The following UBTD2 variants were observed in gnomAD, a reference collection of about 807,000 sequenced individuals.
The protein encoded by UBTD2 is ubiquitin domain-containing protein 2.
Under a neutral mutation model 19.8 loss-of-function variants are expected in UBTD2, and 9 were observed. That is an observed-to-expected ratio of 0.46 (90% CI 0.27 to 0.79). The LOEUF is 0.79. Ranked by LOEUF, UBTD2 falls within the 30% of genes least tolerant of loss-of-function variation. The probability of loss-of-function intolerance (pLI) is 0.14; values close to 1 mark genes in which losing one functional copy is unlikely to be tolerated. For synonymous variants in UBTD2, 98 were observed against 103.9 expected (o/e 0.94, Z 0.35); for missense variants, 250 against 300.4 (o/e 0.83, Z 1.24).
chr5:172,274,087 T>A (rs1755557017), intron 1 of UBTD2, among the ~76,000 whole-genome samples: 1 of 151,412 alleles, frequency 6.6e-6, no homozygotes, highest in African/African-American at 2.4e-5. Context: ...ACACTAGGGA[T>A]ACAAGGAGAC....
chr5:172,214,878 G>A (rs1364500045), intron 2 of UBTD2, among the ~76,000 whole-genome samples: 1 of 152,106 alleles, frequency 6.6e-6, no homozygotes, highest in African/African-American at 2.4e-5. Flanking sequence ...AAACTTAGAA[G>A]TCACCACTCC....
At chr5:172,219,205 T>C (rs1319783326) in intron 2 of UBTD2, among the ~76,000 whole-genome samples, 1 of 152,216 alleles carries the variant, frequency 6.6e-6, no homozygotes, top group Non-Finnish European at 1.5e-5. Flanking sequence ...CTATCAAACA[T>C]TTCAGAAACA....
intron 1 of UBTD2, among the ~76,000 whole-genome samples, chr5:172,234,920 AAAACT>A (rs1561854791): frequency 6.3e-5 from 9 of 142,510 alleles, no homozygotes; most frequent in Admixed American, 5.0e-4. Context: ...AAAACAAAAC[AAAACT>A]AAAGAACCCC....
intron 1 of UBTD2, among the ~76,000 whole-genome samples, chr5:172,266,538 AT>A (rs772756742): frequency 1.8e-4 from 28 of 152,166 alleles, no homozygotes; most frequent in Admixed American, 3.3e-4. Flanking sequence ...TCCTGTCTGA[AT>A]TTCCTACGGT....
chr5:172,222,603 C>G (rs1372905962), intron 2 of UBTD2, among the ~76,000 whole-genome samples: 1 of 152,156 alleles, frequency 6.6e-6, no homozygotes, highest in Non-Finnish European at 1.5e-5. Context: ...GTAGAGCCAA[C>G]ATGGAGGAAT....
chr5:172,219,761 G>A (rs1034740493), intron 2 of UBTD2, among the ~76,000 whole-genome samples: 16 of 152,154 alleles, frequency 1.1e-4, no homozygotes, highest in Admixed American at 7.2e-4. Flanking sequence ...TAGTTTTGCC[G>A]TGGCACTTCA....
At chr5:172,215,207 C>T (rs897958320) in intron 2 of UBTD2, among the ~76,000 whole-genome samples, 1 of 152,182 alleles carries the variant, frequency 6.6e-6, no homozygotes, top group African/African-American at 2.4e-5. Flanking sequence ...ACCTTCTGGA[C>T]CTCTACAACT....
rs1392333255 is a variant in UBTD2, at chr5:172,213,977, G to A, written c.308-1750C>T. ...AATTTTGTATTTTTAGTAGAGACGGGGTTTCTCCATGTTGGTCAGGCTGTT... is the reference window on the plus strand; with the variant it reads ...AATTTTGTATTTTTAGTAGAGACGGAGTTTCTCCATGTTGGTCAGGCTGTT... On this transcript the variant is annotated intron_variant, in intron 2 of 2. Transcript: ENST00000393792. Among the ~76,000 whole-genome samples, 8 of 152,250 alleles carry A rather than the reference G, an allele frequency of 5.3e-5. No homozygotes were observed. In the East Asian group the frequency reaches 1.4e-3, roughly 26 times the overall value.
intron 1 of UBTD2, among the ~76,000 whole-genome samples, chr5:172,282,005 C>G (rs1162852856): frequency 6.6e-6 from 1 of 152,170 alleles, no homozygotes; most frequent in Non-Finnish European, 1.5e-5. Flanking sequence ...TAATGCCTGT[C>G]TGGTCATAAG....
chr5:172,222,065 T>G (rs1434033829), intron 2 of UBTD2, among the ~76,000 whole-genome samples: 1 of 152,162 alleles, frequency 6.6e-6, no homozygotes, highest in Non-Finnish European at 1.5e-5. Flanking sequence ...ACTATTTGAT[T>G]TCATTTTAAG....
At chr5:172,228,461 T>C (rs1352501111) in intron 2 of UBTD2, among the ~76,000 whole-genome samples, 6 of 152,106 alleles carry the variant, frequency 3.9e-5, no homozygotes, top group South Asian at 2.1e-4. Flanking sequence ...TGGCTCATGC[T>C]TGTAATCCCA....
chr5:172,245,810 T>C (rs143919815), intron 1 of UBTD2, among the ~76,000 whole-genome samples: 3 of 152,052 alleles, frequency 2.0e-5, no homozygotes, highest in Non-Finnish European at 2.9e-5. Context: ...AGCAAAGGCT[T>C]TGAAAAGTGA....
intron 1 of UBTD2, chr5:172,254,736 G>A: frequency 3.4e-6 from 1 of 292,384 alleles, no homozygotes; most frequent in Non-Finnish European, 6.5e-6. Context: ...GCTTGTGGGG[G>A]GGAACACTGA....
rs1771428626 is a variant in UBTD2, at chr5:172,210,824, C to T, written c.*1006G>A. On this transcript the variant is annotated 3_prime_UTR_variant, in exon 3 of 3. Transcript: ENST00000393792. ...GCACAGATAAAATAGGCTTTCCTTA[C>T]ACCCCTCCATGCAAAGTGGAGGAAA... 1 of 152,142 alleles carries T rather than the reference C, an allele frequency of 6.6e-6. No homozygotes were observed. The highest frequency in any genetic ancestry group is 1.5e-5 in the Non-Finnish European group (1 of 68,034). 9.4% of individuals were successfully genotyped at this position (152,142 alleles called of 1,614,324 possible).
At chr5:172,243,690 G>A (rs1343552573) in intron 1 of UBTD2, among the ~76,000 whole-genome samples, 1 of 151,248 alleles carries the variant, frequency 6.6e-6, no homozygotes, top group East Asian at 1.9e-4. Context: ...AGCCTCCTGA[G>A]TAGCTGGGAT....
At chr5:172,270,436 A>G (rs894561705) in intron 1 of UBTD2, among the ~76,000 whole-genome samples, 1 of 141,860 alleles carries the variant, frequency 7.0e-6, no homozygotes, top group African/African-American at 2.7e-5. Flanking sequence ...CGGCTCTTCA[A>G]CCTCTGCCTC....
At chr5:172,268,374 C>T (rs925407284) in intron 1 of UBTD2, among the ~76,000 whole-genome samples, 4 of 152,038 alleles carry the variant, frequency 2.6e-5, no homozygotes, top group East Asian at 3.8e-4. Context: ...ATAGTTCAAC[C>T]GTCCTCTGTA....
intron 1 of UBTD2, chr5:172,254,523 G>A (rs995613272): frequency 3.4e-6 from 2 of 580,534 alleles, no homozygotes; most frequent in Non-Finnish European, 3.1e-6. Flanking sequence ...AAACGTCCAT[G>A]TGCATCCTTC....
intron 1 of UBTD2, among the ~76,000 whole-genome samples, chr5:172,257,992 C>T (rs951684599): frequency 1.3e-5 from 2 of 152,148 alleles, no homozygotes; most frequent in African/African-American, 4.8e-5. Context: ...TTTTGCTGTG[C>T]AGAAGCTCTT....
Sources: gnomAD v4.1 joint callset for allele counts (sites outside exome capture counted in the v4.1 genomes callset) on GRCh38, gnomAD v4.1.1 for gene constraint, MANE v1.5 for transcripts, NCBI Gene and HGNC (gene_info 2026-07-23, HGNC 2026-07-21) for gene names.